The following SPATA18 variants were observed in gnomAD, a reference collection of about 807,000 sequenced individuals.
SPATA18 encodes the protein mitochondria-eating protein.
A neutral mutation model predicts 68.1 loss-of-function variants in SPATA18; 54 were observed. The ratio of observed to expected loss-of-function variants is 0.79; its 90% CI spans 0.64 to 0.99. SPATA18 has a LOEUF of 0.99. Among genes scored for constraint, SPATA18 ranks in the 50% least tolerant of loss-of-function variants. The probability of loss-of-function intolerance (pLI) is 0.00; values close to 1 mark genes in which losing one functional copy is unlikely to be tolerated. For missense variants in SPATA18, 724 were observed against 681.1 expected (o/e 1.06, Z -0.70); for synonymous variants, 242 against 244.8 (o/e 0.99, Z 0.11).
chr4:52,061,868 T>C (rs1041120712), intron 3 of SPATA18, among the ~76,000 whole-genome samples: 1 of 152,220 alleles, frequency 6.6e-6, no homozygotes, highest in Admixed American at 6.5e-5. Flanking sequence ...TGGGTGTTAT[T>C]CTAGGTATAA....
chr4:52,053,472 C>G (rs1386916134), intron 1 of SPATA18, among the ~76,000 whole-genome samples: 2 of 152,186 alleles, frequency 1.3e-5, no homozygotes, highest in South Asian at 2.1e-4. Context: ...TCCCCCTCCA[C>G]TCCTGCTTCA....
intron 6 of SPATA18, among the ~76,000 whole-genome samples, chr4:52,074,626 G>C (rs1344956840): frequency 6.6e-6 from 1 of 152,140 alleles, no homozygotes; most frequent in Admixed American, 6.5e-5. Context: ...TGTCTGAAAG[G>C]CTTAAAAATG....
intron 11 of SPATA18, among the ~76,000 whole-genome samples, chr4:52,094,029 A>G (rs1742207009): frequency 6.6e-6 from 1 of 152,160 alleles, no homozygotes; most frequent in Non-Finnish European, 1.5e-5. Flanking sequence ...GAAAGCTCAG[A>G]GCAAGGATGA....
At chr4:52,091,770 G>A (rs116280971) in intron 11 of SPATA18, among the ~76,000 whole-genome samples, 5,179 of 152,308 alleles carry the variant, frequency 0.034, 306 homozygotes, top group African/African-American at 0.12. Context: ...ACTTGAGAAG[G>A]TAGACTGACC....
At chr4:52,094,369 A>G (rs1017041014) in intron 11 of SPATA18, among the ~76,000 whole-genome samples, 158 bp from the exon 12 acceptor site, 1 of 152,222 alleles carries the variant, frequency 6.6e-6, no homozygotes, top group African/African-American at 2.4e-5. Context: ...AAGTCTAAAA[A>G]GAATCACAAT....
chr4:52,067,286 AC>A (rs776434339), intron 4 of SPATA18, among the ~76,000 whole-genome samples: 2 of 152,186 alleles, frequency 1.3e-5, no homozygotes, highest in Non-Finnish European at 2.9e-5. Context: ...TTTGTGGGTC[AC>A]ATAAATGTCT....
intron 6 of SPATA18, among the ~76,000 whole-genome samples, chr4:52,073,358 G>C (rs899401246): frequency 6.6e-6 from 1 of 152,186 alleles, no homozygotes; most frequent in Non-Finnish European, 1.5e-5. Context: ...AGGCTAGCTA[G>C]TCTGATAATT....
intron 5 of SPATA18, among the ~76,000 whole-genome samples, chr4:52,070,650 A>G (rs1739747673): frequency 1.3e-5 from 2 of 152,146 alleles, no homozygotes; most frequent in Non-Finnish European, 2.9e-5. Context: ...TAACCTGCAC[A>G]TTGTGCATAT....
chr4:52,072,545 G>A (rs1473251149), intron 6 of SPATA18, among the ~76,000 whole-genome samples: 3 of 152,044 alleles, frequency 2.0e-5, no homozygotes, highest in Non-Finnish European at 4.4e-5. Flanking sequence ...TGGGATTATA[G>A]GCATACACCA....
intron 5 of SPATA18, among the ~76,000 whole-genome samples, chr4:52,071,607 G>A (rs1739847178): frequency 6.6e-6 from 1 of 152,182 alleles, no homozygotes; most frequent in African/African-American, 2.4e-5. Flanking sequence ...GTTAAGATCT[G>A]TCCAACATGG....
intron 10 of SPATA18, chr4:52,083,399 TG>T: frequency 2.0e-6 from 2 of 985,416 alleles, no homozygotes; most frequent in Non-Finnish European, 2.4e-6. Flanking sequence ...AAAGGGTTTT[TG>T]TAGCTTAAAA....
chr4:52,066,430 G>A (rs917117959), intron 4 of SPATA18, among the ~76,000 whole-genome samples: 6 of 152,156 alleles, frequency 3.9e-5, no homozygotes, highest in East Asian at 3.9e-4. Context: ...GATTACAGGC[G>A]TGAGCCACGG....
intron 4 of SPATA18, among the ~76,000 whole-genome samples, chr4:52,068,093 A>C (rs925059506): frequency 1.3e-5 from 2 of 152,224 alleles, no homozygotes; most frequent in African/African-American, 4.8e-5. Flanking sequence ...TGTTAGGAGA[A>C]AAATACCCAA....
At chr4:52,076,042 A>G (rs1288906384) in intron 6 of SPATA18, among the ~76,000 whole-genome samples, 1 of 152,240 alleles carries the variant, frequency 6.6e-6, no homozygotes, top group Non-Finnish European at 1.5e-5. Flanking sequence ...ATGAACTTGG[A>G]TTGCTCCTAA....
intron 8 of SPATA18, among the ~76,000 whole-genome samples, chr4:52,079,443 C>A (rs181916735): frequency 6.6e-6 from 1 of 152,166 alleles, no homozygotes; most frequent in Admixed American, 6.5e-5. Flanking sequence ...CACATCATAC[C>A]CTTGCTCAGA....
intron 11 of SPATA18, among the ~76,000 whole-genome samples, chr4:52,087,018 G>C (rs913029242): frequency 9.2e-5 from 14 of 152,212 alleles, no homozygotes; most frequent in African/African-American, 3.1e-4. Context: ...AATGACCAGT[G>C]ATGATGAGCA....
intron 11 of SPATA18, among the ~76,000 whole-genome samples, chr4:52,091,025 T>A (rs1284809769): frequency 6.6e-6 from 1 of 151,958 alleles, no homozygotes; most frequent in Non-Finnish European, 1.5e-5. Context: ...TCTTCTCTCT[T>A]TATTTCATTA....
At chr4:52,064,397 C>T (rs1739148143) in intron 4 of SPATA18, among the ~76,000 whole-genome samples, 1 of 152,066 alleles carries the variant, frequency 6.6e-6, no homozygotes, top group Admixed American at 6.6e-5. Flanking sequence ...TACACTATAG[C>T]CAATATGTAG....
intron 1 of SPATA18, among the ~76,000 whole-genome samples, chr4:52,055,234 A>G (rs929109135): frequency 3.9e-5 from 6 of 152,238 alleles, no homozygotes; most frequent in Admixed American, 3.9e-4. Flanking sequence ...GCACAAAGCC[A>G]TTAGAATGTG....
Sources: gnomAD v4.1 joint callset for allele counts (sites outside exome capture counted in the v4.1 genomes callset) on GRCh38, gnomAD v4.1.1 for gene constraint, MANE v1.5 for transcripts, NCBI Gene and HGNC (gene_info 2026-07-23, HGNC 2026-07-21) for gene names.